Variants in STK39 observed in about 807,000 individuals in gnomAD.
STK39 encodes the protein STE20/SPS1-related proline-alanine-rich protein kinase.
Under a neutral mutation model 77.8 loss-of-function variants are expected in STK39, and 20 were observed. The ratio of observed to expected loss-of-function variants is 0.26; its 90% CI spans 0.18 to 0.37. The LOEUF (loss-of-function observed/expected upper bound fraction) is 0.37, where lower values mean the gene tolerates loss of function less well. Ranked by LOEUF, STK39 falls within the 10% of genes least tolerant of loss-of-function variation. The pLI is 1.00. For synonymous variants in STK39, 246 were observed against 234.1 expected, an observed-to-expected ratio of 1.05 and a Z score of -0.47; for missense variants, 479 against 656.5, an observed-to-expected ratio of 0.73 and a Z score of 2.95.
In STK39 at chr2:167,975,513, T is replaced by C. The variant is rs115742526; in HGVS notation, c.1499-10787A>G. Among the ~76,000 whole-genome samples the C allele has an allele frequency of 9.4e-3, 1,434 of 152,240 alleles. 23 individuals are homozygous for C. Among genetic ancestry groups the C allele is most frequent in the African/African-American group, 0.033 (1,362 of 41,526 alleles). ...AGAACCATTCTCAGGTGGATCCAAG[T>C]AGTGCAAAAGGTGGACTGTAGGCCG... is the stretch of plus-strand genomic sequence containing the variant. On this transcript the variant is annotated intron_variant, in intron 16 of 17. Transcript: ENST00000355999.
At chr2:168,139,032 C>G (rs1003329048) in intron 7 of STK39, among the ~76,000 whole-genome samples, 2 of 152,124 alleles carry the variant, frequency 1.3e-5, no homozygotes, top group Non-Finnish European at 2.9e-5. Context: ...CATGTCAAGC[C>G]TCTTTTCAAA....
chr2:168,155,190 C>T (rs1215999449), intron 5 of STK39, among the ~76,000 whole-genome samples: 2 of 152,112 alleles, frequency 1.3e-5, no homozygotes, highest in African/African-American at 2.4e-5. Flanking sequence ...AAGTGGTTCT[C>T]CTCCACCGGG....
At chr2:168,052,912 A>G (rs2105369192) in intron 14 of STK39, among the ~76,000 whole-genome samples, 1 of 152,344 alleles carries the variant, frequency 6.6e-6, no homozygotes, top group East Asian at 1.9e-4. Context: ...ACTCAGCACC[A>G]ACACAGAGCG....
intron 10 of STK39, among the ~76,000 whole-genome samples, chr2:168,117,965 C>CT (rs1002279696): frequency 2.0e-5 from 3 of 152,076 alleles, no homozygotes; most frequent in Non-Finnish European, 4.4e-5. Context: ...AGGGCATTTA[C>CT]TGACAATATT....
At chr2:168,117,431 C>T (rs2105481439) in intron 10 of STK39, among the ~76,000 whole-genome samples, 1 of 152,228 alleles carries the variant, frequency 6.6e-6, no homozygotes, top group East Asian at 1.9e-4. Context: ...ACTGAGAACA[C>T]AGAGATAAAA....
At chr2:168,050,192 C>A (rs1685357862) in intron 14 of STK39, among the ~76,000 whole-genome samples, 1 of 152,166 alleles carries the variant, frequency 6.6e-6, no homozygotes, top group Non-Finnish European at 1.5e-5. Context: ...AGTTCACTGC[C>A]CTACTTCAGG....
At chr2:168,218,519 A>G (rs750485803) in intron 1 of STK39, among the ~76,000 whole-genome samples, 28 of 152,230 alleles carry the variant, frequency 1.8e-4, no homozygotes, top group Non-Finnish European at 3.4e-4. Flanking sequence ...CCAAACGCTC[A>G]ACCAAGGTAG....
At chr2:168,187,009 T>G (rs956411269) in intron 1 of STK39, among the ~76,000 whole-genome samples, 2 of 152,334 alleles carry the variant, frequency 1.3e-5, no homozygotes, top group Non-Finnish European at 2.9e-5. Flanking sequence ...GAATTAATAT[T>G]CCATAGCAAA....
intron 10 of STK39, among the ~76,000 whole-genome samples, chr2:168,090,969 GGGCCCA>G (rs1369783095): frequency 6.6e-6 from 1 of 152,142 alleles, no homozygotes; most frequent in Non-Finnish European, 1.5e-5. Context: ...CAAAATAGAT[GGGCCCA>G]TCTGCCTCTG....
chr2:168,084,757 A>G (rs1469492647), intron 10 of STK39, among the ~76,000 whole-genome samples: 2 of 152,228 alleles, frequency 1.3e-5, no homozygotes, highest in Non-Finnish European at 2.9e-5. Context: ...CCTGTTTCTC[A>G]TTCCCAATCT....
intron 12 of STK39, among the ~76,000 whole-genome samples, chr2:168,070,383 T>A (rs997940873): frequency 2.0e-5 from 3 of 152,170 alleles, no homozygotes; most frequent in Non-Finnish European, 4.4e-5. Flanking sequence ...GAAACAAGGA[T>A]GAGCTATCTA....
At chr2:168,217,951 C>T (rs1690067304) in intron 1 of STK39, among the ~76,000 whole-genome samples, 1 of 152,186 alleles carries the variant, frequency 6.6e-6, no homozygotes, top group African/African-American at 2.4e-5. Flanking sequence ...TCTAAGATCA[C>T]GTCCATGTTA....
chr2:168,221,600 A>T (rs1432066830), intron 1 of STK39, among the ~76,000 whole-genome samples: 1 of 152,194 alleles, frequency 6.6e-6, no homozygotes, highest in Non-Finnish European at 1.5e-5. Flanking sequence ...CAACTATATA[A>T]CATGCTACTG....
intron 17 of STK39, among the ~76,000 whole-genome samples, chr2:167,959,430 C>T (rs1691879794): frequency 6.6e-6 from 1 of 151,570 alleles, no homozygotes; most frequent in Non-Finnish European, 1.5e-5. Flanking sequence ...CGGCCATCAG[C>T]TTTTTGTTTT....
At chr2:168,237,561 G>C (rs1443800185) in intron 1 of STK39, among the ~76,000 whole-genome samples, 1 of 152,144 alleles carries the variant, frequency 6.6e-6, no homozygotes, top group Non-Finnish European at 1.5e-5. Flanking sequence ...TGCCCATTCA[G>C]TATGATATTG....
intron 16 of STK39, among the ~76,000 whole-genome samples, chr2:168,006,919 G>A (rs1684147047): frequency 6.6e-6 from 1 of 152,174 alleles, no homozygotes; most frequent in Admixed American, 6.5e-5. Context: ...ATTCGCGAAG[G>A]TCGGCACACT....
chr2:168,002,646 G>A lies in STK39; in HGVS notation c.1498+9988C>T, dbSNP rs145791984. On this transcript the variant is annotated intron_variant, in intron 16 of 17. Transcript: ENST00000355999. The stretch of plus-strand genomic sequence containing the variant: ...CTGAGTTTGGCGCAGAGGAGTATGG[G>A]CACTCTCTTGTGCTTTTATCAGATT... Among the ~76,000 whole-genome samples the A allele has an allele frequency of 5.4e-4, 82 of 152,290 alleles. 1 individual carries two copies. Among genetic ancestry groups the A allele is most frequent in the African/African-American group, 1.9e-3 (78 of 41,554 alleles).
chr2:168,024,889 CT>C (rs888066368), intron 14 of STK39, among the ~76,000 whole-genome samples: 1 of 152,188 alleles, frequency 6.6e-6, no homozygotes, highest in African/African-American at 2.4e-5. Flanking sequence ...AACAACAGAG[CT>C]GAACTAAAGC....
At chr2:168,211,224 T>C (rs1689882228) in intron 1 of STK39, among the ~76,000 whole-genome samples, 2 of 148,890 alleles carry the variant, frequency 1.3e-5, no homozygotes. Flanking sequence ...GACTGTTATC[T>C]CTCCCACCCC....
Sources: allele counts gnomAD v4.1 joint callset (sites outside exome capture counted in the v4.1 genomes callset), GRCh38; gene constraint gnomAD v4.1.1; transcripts MANE v1.5; gene names NCBI Gene and HGNC (gene_info 2026-07-23, HGNC 2026-07-21).